Variants in FBXO28 observed in about 807,000 individuals in gnomAD.
The protein encoded by FBXO28 is F-box protein 28, also known as F-box only protein 28.
Under a neutral mutation model 38.1 loss-of-function variants are expected in FBXO28, and 8 were observed. The ratio of observed to expected loss-of-function variants is 0.21; its 90% CI spans 0.12 to 0.38. The LOEUF (loss-of-function observed/expected upper bound fraction) is 0.38. Among genes scored for constraint, FBXO28 ranks in the 10% least tolerant of loss-of-function variants. The probability of loss-of-function intolerance (pLI) is 1.00; values close to 1 mark genes in which losing one functional copy is unlikely to be tolerated. For missense variants in FBXO28, 345 were observed against 460.6 expected (o/e 0.75, Z 2.30); for synonymous variants, 168 against 173.8 (o/e 0.97, Z 0.26).
chr1:224,137,122 A>T (rs1657209480), intron 3 of FBXO28, among the ~76,000 whole-genome samples: 1 of 151,922 alleles, frequency 6.6e-6, no homozygotes, highest in Non-Finnish European at 1.5e-5. Context: ...CATTTTGTCA[A>T]ACTTAAGGTC....
chr1:224,157,356 A>G lies in FBXO28; in HGVS notation c.717A>G (p.Pro239=). Residue 239 remains proline (P), a synonymous_variant, in exon 5 of 5, where the codon CCA becomes CCG. Coordinates refer to ENST00000366862, the MANE Select transcript of FBXO28 (RefSeq NM_015176.4). ...SGRLMGSPPV[P]GPSAALTTMQ... Reference sequence around the variant, plus strand: ...TTTTGAATTATTCCTCCACAGTTCCAGGACCGTCTGCAGCCCTAACAACAA... The same window carrying G: ...TTTTGAATTATTCCTCCACAGTTCCGGGACCGTCTGCAGCCCTAACAACAA... 1.2e-6 allele frequency: 2 copies of G among 1,604,178 alleles called. No homozygotes were observed. The highest frequency in any genetic ancestry group is 1.3e-5 in the African/African-American group (1 of 74,544).
intron 3 of FBXO28, among the ~76,000 whole-genome samples, chr1:224,135,672 C>A (rs1657164235): frequency 6.7e-6 from 1 of 148,158 alleles, no homozygotes. Context: ...CTGGCCTGTA[C>A]AGAAGAAGTC....
In FBXO28 at chr1:224,157,383, G is replaced by A; in HGVS notation, c.744G>A (p.Met248Ile). 6.2e-7 allele frequency: 1 copy of A among 1,613,674 alleles called. No individual in the cohort carries two copies. Among genetic ancestry groups the A allele is most frequent in the South Asian group, 1.1e-5 (1 of 91,018 alleles). ...VPGPSAALTT[M>I]QLFSKQNPSR... ...GACCGTCTGCAGCCCTAACAACAAT[G>A]CAGCTCTTCTCCAAGCAAAATCCTT... The change falls in exon 5 of 5, where the codon ATG (methionine) becomes ATA (isoleucine). Residue 248 changes from methionine (M) to isoleucine (I), a missense_variant. Met to Ile is a conservative substitution (Grantham distance 10). Around this residue, in one of 6 missense-constraint regions of FBXO28, gnomAD observed 151 missense variants for 188.3 expected, o/e 0.80. Transcript: ENST00000366862.
intron 3 of FBXO28, among the ~76,000 whole-genome samples, chr1:224,144,583 C>A (rs749729239): frequency 6.6e-6 from 1 of 152,016 alleles, no homozygotes; most frequent in African/African-American, 2.4e-5. Context: ...CATGGTGAAA[C>A]CCCATCTCTA....
At chr1:224,127,164 T>TTGTG (rs564171368) in intron 1 of FBXO28, among the ~76,000 whole-genome samples, 2,503 of 88,488 alleles carry the variant, frequency 0.028, 34 homozygotes, top group Middle Eastern at 0.047. Context: ...TGTAAAGTAT[T>TTGTG]TGTGTGTGTG....
intron 1 of FBXO28, among the ~76,000 whole-genome samples, chr1:224,123,971 G>T (rs116179162): frequency 6.6e-6 from 1 of 152,210 alleles, no homozygotes; most frequent in African/African-American, 2.4e-5. Context: ...TTAGCCGGGC[G>T]TGGTGGGAGG....
Position 224,131,447 on chromosome 1 carries a change from A to T in FBXO28, c.377+866A>T, listed in dbSNP as rs921843793. On this transcript the variant is annotated intron_variant, in intron 2 of 4. Transcript: ENST00000366862. ...TTAGTACAGAGCTATAGTAATCAAA[A>T]CAGTATGGCACTGGCATAAGGATAG... is the stretch of plus-strand genomic sequence containing the variant. Among the ~76,000 whole-genome samples, 4 of 152,320 alleles carry T rather than the reference A, an allele frequency of 2.6e-5. No homozygotes were observed. The Middle Eastern group carries it at 0.014, about 518-fold the overall frequency.
In FBXO28 at chr1:224,133,604, G is replaced by A. The variant is rs569777083; in HGVS notation, c.378-470G>A. On this transcript the variant is annotated intron_variant, in intron 2 of 4. Coordinates refer to ENST00000366862, the MANE Select transcript of FBXO28 (RefSeq NM_015176.4). ...GCAGTCTTGGTTCACTGCAACCTCC[G>A]ACGCCCGGGTTCAAGCGAGTCTCCT... Among the ~76,000 whole-genome samples, 18 of 152,056 alleles carry A rather than the reference G, an allele frequency of 1.2e-4. No individual in the cohort carries two copies. The South Asian group carries it at 2.7e-3, about 23-fold the overall frequency.
rs541746124 is a variant in FBXO28 at position 224,142,091 on chromosome 1, C to A, written c.516+7879C>A. Among the ~76,000 whole-genome samples the A allele has an allele frequency of 5.7e-4, 86 of 151,748 alleles. 1 individual carries two copies. In the South Asian group the frequency reaches 0.018, roughly 31 times the overall value. ...TTGGGGCCAGGCATGGTGGCTCACG[C>A]CTGTAATCCCAGCACTTTGGGAGGC... On this transcript the variant is annotated intron_variant, in intron 3 of 4. Transcript: ENST00000366862.
intron 3 of FBXO28, among the ~76,000 whole-genome samples, chr1:224,140,364 A>G (rs1231078606): frequency 2.0e-5 from 3 of 152,178 alleles, no homozygotes; most frequent in South Asian, 2.1e-4. Context: ...AGAACCATGC[A>G]TGGACTGTAA....
intron 1 of FBXO28, among the ~76,000 whole-genome samples, chr1:224,119,199 T>C (rs1656717737): frequency 7.0e-6 from 1 of 142,802 alleles, no homozygotes; most frequent in Non-Finnish European, 1.5e-5. Flanking sequence ...AGTGGCGCGA[T>C]CTCGGCTCAC....
chr1:224,152,832 G>A (rs892121792), intron 3 of FBXO28, among the ~76,000 whole-genome samples: 9 of 151,080 alleles, frequency 6.0e-5, no homozygotes, highest in African/African-American at 2.2e-4. Flanking sequence ...AGGAGGCTGA[G>A]GCAGAGAATT....
At position 224,160,787 on chromosome 1, in the gene FBXO28, T is replaced by G. The variant is rs566221719; in HGVS notation, c.*3041T>G. ...TTACAGGGGCTTGCCTTAATCTCTA[T>G]TTAGTAGTTTCAAGATATATGCGCA... On this transcript the variant is annotated 3_prime_UTR_variant, in exon 5 of 5. Transcript: ENST00000366862. The G allele has an allele frequency of 1.4e-3, 214 of 152,308 alleles. No individual in the cohort carries two copies. Among genetic ancestry groups the G allele is most frequent in the African/African-American group, 5.0e-3 (208 of 41,582 alleles). 9.4% of individuals were successfully genotyped at this position (152,308 alleles called of 1,614,324 possible).
At chr1:224,138,286 A>G (rs1365087509) in intron 3 of FBXO28, among the ~76,000 whole-genome samples, 1 of 151,788 alleles carries the variant, frequency 6.6e-6, no homozygotes, top group African/African-American at 2.4e-5. Context: ...GGAATCAGCA[A>G]ACTTTTTTTG....
chr1:224,129,362 T>A (rs893318938), intron 1 of FBXO28, among the ~76,000 whole-genome samples: 5 of 152,162 alleles, frequency 3.3e-5, no homozygotes, highest in Non-Finnish European at 5.9e-5. Context: ...TTGGAGGATA[T>A]ACAGTGTCTA....
At chr1:224,122,512 G>A (rs948597309) in intron 1 of FBXO28, among the ~76,000 whole-genome samples, 8 of 151,790 alleles carry the variant, frequency 5.3e-5, no homozygotes, top group Admixed American at 2.6e-4. Context: ...TCTTTGAGGC[G>A]GGTTTATTCA....
At position 224,138,855 on chromosome 1, in the gene FBXO28, T is replaced by C. The variant is rs536000038; in HGVS notation, c.516+4643T>C. Among the ~76,000 whole-genome samples the C allele has an allele frequency of 2.5e-3, 386 of 151,846 alleles. 9 individuals carry two copies. The highest frequency in any genetic ancestry group is 7.6e-3 in the African/African-American group (315 of 41,188). On this transcript the variant is annotated intron_variant, in intron 3 of 4. Coordinates refer to ENST00000366862, the MANE Select transcript of FBXO28 (RefSeq NM_015176.4). ...TCAGCCTCCAGCTGGAGTCTCGGCTTACTGCAACCTCCGCCTCCTGGGTTC... is the reference window on the plus strand; with the variant it reads ...TCAGCCTCCAGCTGGAGTCTCGGCTCACTGCAACCTCCGCCTCCTGGGTTC...
At chr1:224,154,951 C>T (rs1456597563) in intron 4 of FBXO28, among the ~76,000 whole-genome samples, 1 of 149,888 alleles carries the variant, frequency 6.7e-6, no homozygotes, top group Non-Finnish European at 1.5e-5. Context: ...GCACTCCAGC[C>T]TGGGCAACAG....
intron 3 of FBXO28, among the ~76,000 whole-genome samples, chr1:224,138,110 C>T (rs1657239699): frequency 6.6e-6 from 1 of 151,574 alleles, no homozygotes; most frequent in Admixed American, 6.6e-5. Context: ...CACCTATAGT[C>T]CCAGCTACTC....
Sources: allele counts gnomAD v4.1 joint callset (sites outside exome capture counted in the v4.1 genomes callset), GRCh38; gene constraint gnomAD v4.1.1; regional missense constraint gnomAD v4.1.1; transcripts MANE v1.5; gene names NCBI Gene and HGNC (gene_info 2026-07-23, HGNC 2026-07-21).